The following BMERB1 variants were observed in gnomAD, a reference collection of about 807,000 sequenced individuals.
BMERB1 encodes bMERB domain-containing protein 1.
In BMERB1, 12 loss-of-function variants were observed where a neutral mutation model predicts 23.6. The observed-to-expected ratio is 0.51, with a 90% confidence interval of 0.33 to 0.82. BMERB1 has a LOEUF of 0.82. BMERB1 is among the 40% of genes least tolerant of loss of function. The probability of loss-of-function intolerance (pLI) is 0.03; values close to 1 mark genes in which losing one functional copy is unlikely to be tolerated. For synonymous variants in BMERB1, 122 were observed against 96.6 expected, an observed-to-expected ratio of 1.26 and a Z score of -1.54; for missense variants, 247 against 255.4, an observed-to-expected ratio of 0.97 and a Z score of 0.22.
rs1457042436 is a variant in BMERB1, at chr16:15,548,030, G to T, written c.231-19953G>T. Among the ~76,000 whole-genome samples, 4 of 152,280 alleles carry T rather than the reference G, an allele frequency of 2.6e-5. 1 individual carries two copies. The South Asian group carries it at 8.3e-4, about 32-fold the overall frequency. ...ATGGTAAATTCTGTTTGTCGCCCGG[G>T]CTGGAGCGCAGTGGCATGATCTTGG... On this transcript the variant is annotated intron_variant, in intron 2 of 5. Coordinates refer to ENST00000300006, the MANE Select transcript of BMERB1 (RefSeq NM_033201.3).
chr16:15,509,371 T>C (rs1470880062), intron 1 of BMERB1, among the ~76,000 whole-genome samples: 1 of 151,578 alleles, frequency 6.6e-6, no homozygotes, highest in Non-Finnish European at 1.5e-5. Flanking sequence ...TGGGTTTGAA[T>C]ACTATCTCTG....
At chr16:15,531,552 A>C (rs1289148423) in intron 2 of BMERB1, among the ~76,000 whole-genome samples, 2 of 152,202 alleles carry the variant, frequency 1.3e-5, no homozygotes, top group African/African-American at 4.8e-5. Flanking sequence ...CAACAATGAC[A>C]GAGACGGCCC....
In BMERB1 at chr16:15,537,005, G is replaced by C. The variant is rs375093922; in HGVS notation, c.230+21577G>C. ...CAGTGGGAGCCTCTCTCTCTCCCCT[G>C]TAGCCTAGGATCGTGATCAGAATCA... On this transcript the variant is annotated intron_variant, in intron 2 of 5. Transcript: ENST00000300006. 3.9e-5 allele frequency: 6 copies of C among 152,254 alleles called. No homozygotes were observed. In the East Asian group the frequency reaches 7.7e-4, roughly 20 times the overall value. The allele number at this position is 152,254 out of a possible 1,614,324, so 9.4% of individuals were successfully genotyped here. A position where few individuals can be genotyped will look rare whatever the true frequency, so the allele number is the denominator to read the frequency against.
intron 1 of BMERB1, among the ~76,000 whole-genome samples, chr16:15,474,846 T>C (rs555125045): frequency 7.9e-5 from 12 of 152,090 alleles, no homozygotes; most frequent in Admixed American, 4.6e-4. Context: ...CACCACCACG[T>C]CCAGCTAATT....
chr16:15,484,493 C>T (rs1004633046), intron 1 of BMERB1, among the ~76,000 whole-genome samples: 13 of 152,142 alleles, frequency 8.5e-5, no homozygotes, highest in Non-Finnish European at 2.9e-5. Flanking sequence ...ACTTCGCCTC[C>T]TGGGTTCAAG....
chr16:15,457,637 T>C (rs2051097099), intron 1 of BMERB1, among the ~76,000 whole-genome samples: 1 of 152,150 alleles, frequency 6.6e-6, no homozygotes, highest in African/African-American at 2.4e-5. Context: ...TTTCATTGCC[T>C]TCAATGCTCA....
intron 1 of BMERB1, among the ~76,000 whole-genome samples, chr16:15,455,062 G>A (rs997035532): frequency 6.6e-6 from 1 of 151,826 alleles, no homozygotes; most frequent in Non-Finnish European, 1.5e-5. Flanking sequence ...GAGGGCGCGC[G>A]TGGTGGCTCA....
At chr16:15,546,443 C>T (rs2029920848) in intron 2 of BMERB1, among the ~76,000 whole-genome samples, 1 of 152,106 alleles carries the variant, frequency 6.6e-6, no homozygotes, top group African/African-American at 2.4e-5. Flanking sequence ...ACAATTGTTC[C>T]TGGATCAAAC....
At chr16:15,576,771 G>C (rs1183745270) in intron 3 of BMERB1, among the ~76,000 whole-genome samples, 1 of 151,984 alleles carries the variant, frequency 6.6e-6, no homozygotes, top group Non-Finnish European at 1.5e-5. Flanking sequence ...GTTGTTGACT[G>C]GGGTAAATAC....
chr16:15,463,721 C>G (rs2051156674), intron 1 of BMERB1, among the ~76,000 whole-genome samples: 1 of 152,090 alleles, frequency 6.6e-6, no homozygotes, highest in African/African-American at 2.4e-5. Context: ...GGAACCCTCC[C>G]CAATCCTGAC....
intron 3 of BMERB1, among the ~76,000 whole-genome samples, chr16:15,573,922 A>T (rs1015464852): frequency 3.4e-5 from 5 of 146,858 alleles, no homozygotes; most frequent in South Asian, 4.3e-4. Context: ...ACGCAGGAGG[A>T]ACTGCCCAAC....
chr16:15,509,255 G>A (rs1318846682), intron 1 of BMERB1, among the ~76,000 whole-genome samples: 4 of 146,690 alleles, frequency 2.7e-5, no homozygotes, highest in South Asian at 4.4e-4. Context: ...ACGCACTTTC[G>A]CAGGCACAAA....
chr16:15,546,691 TGAGTCC>T (rs1156516173), intron 2 of BMERB1, among the ~76,000 whole-genome samples: 1 of 152,240 alleles, frequency 6.6e-6, no homozygotes, highest in Non-Finnish European at 1.5e-5. Context: ...AACTAAGGTC[TGAGTCC>T]TGAAGACCTT....
At chr16:15,458,461 C>T (rs75830420) in intron 1 of BMERB1, among the ~76,000 whole-genome samples, 7,427 of 152,004 alleles carry the variant, frequency 0.049, 625 homozygotes, top group African/African-American at 0.17. Context: ...ACACTTGTAA[C>T]CCCAGCACTT....
chr16:15,482,023 G>T (rs1464263780), intron 1 of BMERB1, among the ~76,000 whole-genome samples: 1 of 151,998 alleles, frequency 6.6e-6, no homozygotes, highest in Admixed American at 6.6e-5. Context: ...GAGCCACCGC[G>T]CCTGGCCTGC....
At chr16:15,500,898 T>C (rs2051522639) in intron 1 of BMERB1, among the ~76,000 whole-genome samples, 1 of 152,078 alleles carries the variant, frequency 6.6e-6, no homozygotes, top group Non-Finnish European at 1.5e-5. Flanking sequence ...GTGATCCACC[T>C]GCCTCGGCCT....
At chr16:15,455,323 C>CAAAAAA (rs34467613) in intron 1 of BMERB1, among the ~76,000 whole-genome samples, 2 of 122,750 alleles carry the variant, frequency 1.6e-5, no homozygotes, top group African/African-American at 2.9e-5. Context: ...GACTCTGTCT[C>CAAAAAA]AAAAAAAAAA....
At chr16:15,503,500 G>A (rs1461067363) in intron 1 of BMERB1, among the ~76,000 whole-genome samples, 3 of 147,186 alleles carry the variant, frequency 2.0e-5, no homozygotes, top group Middle Eastern at 3.7e-3. Context: ...GCGTTTCACC[G>A]TGTTATCCAG....
At chr16:15,538,674 C>T (rs546564941) in intron 2 of BMERB1, among the ~76,000 whole-genome samples, 5 of 152,264 alleles carry the variant, frequency 3.3e-5, no homozygotes, top group African/African-American at 1.2e-4. Flanking sequence ...TGATTAAATT[C>T]GGAAAGCTTG....
Sources: gnomAD v4.1 joint callset for allele counts (sites outside exome capture counted in the v4.1 genomes callset) on GRCh38, gnomAD v4.1.1 for gene constraint, MANE v1.5 for transcripts, NCBI Gene and HGNC (gene_info 2026-07-23, HGNC 2026-07-21) for gene names.